Variants in CD96 observed in about 807,000 individuals in gnomAD.
CD96 encodes the protein T-cell surface protein tactile.
In CD96, 70 loss-of-function variants were observed where a neutral mutation model predicts 71.3. That is an observed-to-expected ratio of 0.98 (90% CI 0.81 to 1.20). The LOEUF is 1.20. CD96 is among the 50% of genes most tolerant of loss of function. The pLI is 0.00. For synonymous variants in CD96, 248 were observed against 233.0 expected, an observed-to-expected ratio of 1.06 and a Z score of -0.59; for missense variants, 742 against 677.5, an observed-to-expected ratio of 1.10 and a Z score of -1.06.
chr3:111,602,891 T>G (rs1937528225), intron 7 of CD96, among the ~76,000 whole-genome samples: 1 of 152,184 alleles, frequency 6.6e-6, no homozygotes, highest in South Asian at 2.1e-4. Context: ...GGAGAAGTTT[T>G]GCTCTCTTTG....
intron 12 of CD96, among the ~76,000 whole-genome samples, chr3:111,642,161 A>G (rs1010288691): frequency 1.3e-5 from 2 of 152,228 alleles, no homozygotes; most frequent in African/African-American, 4.8e-5. Context: ...GCACAATACA[A>G]TTGAAACAAC....
chr3:111,606,757 C>T lies in CD96; in HGVS notation c.1145C>T (p.Thr382Ile). Residue 382 changes from threonine (T) to isoleucine (I), a missense_variant, in exon 8 of 14, where the codon ACC (threonine) becomes ATC (isoleucine). Coordinates refer to ENST00000352690, the MANE Select transcript of CD96 (RefSeq NM_005816.5). ...AGTGTTACAGAATCTACCCTTGACA[C>T]CCAACCTTCTCCAGCCAGCAGTGTA... ...PLSVTESTLD[T>I]QPSPASSVSP... 6.2e-7 allele frequency: 1 copy of T among 1,606,130 alleles called. No individual in the cohort carries two copies. Among genetic ancestry groups the T allele is most frequent in the Non-Finnish European group, 8.5e-7 (1 of 1,172,720 alleles).
At chr3:111,626,578 G>A (rs949106057) in intron 10 of CD96, among the ~76,000 whole-genome samples, 1 of 152,068 alleles carries the variant, frequency 6.6e-6, no homozygotes, top group Non-Finnish European at 1.5e-5. Flanking sequence ...TCTATTCCTA[G>A]ATATAAAAAT....
In CD96 at chr3:111,570,814, C is replaced by G. The variant is rs1354863976; in HGVS notation, c.543+3167C>G. 7.4e-6 allele frequency: 12 copies of G among 1,613,510 alleles called. No individual in the cohort carries two copies. In the African/African-American group the frequency reaches 1.5e-4, roughly 20 times the overall value. ...TCCAAAGCAGGTGGCCCTGGAGGCA[C>G]CGGGATGGGGGACCCCAGGCTTGTG... On this transcript the variant is annotated intron_variant, in intron 3 of 13. Coordinates refer to ENST00000352690, the MANE Select transcript of CD96 (RefSeq NM_005816.5).
At chr3:111,555,865 C>T (rs1356292318) in intron 2 of CD96, among the ~76,000 whole-genome samples, 1 of 152,298 alleles carries the variant, frequency 6.6e-6, no homozygotes. Context: ...TCCCCTTACT[C>T]TTTCACTTCT....
At chr3:111,602,046 A>G (rs1222553498) in intron 7 of CD96, among the ~76,000 whole-genome samples, 1 of 152,184 alleles carries the variant, frequency 6.6e-6, no homozygotes, top group African/African-American at 2.4e-5. Context: ...TATTTACACT[A>G]AAATAGCCTT....
At chr3:111,639,513 C>G (rs1939495350) in intron 12 of CD96, among the ~76,000 whole-genome samples, 1 of 152,168 alleles carries the variant, frequency 6.6e-6, no homozygotes, top group East Asian at 1.9e-4. Context: ...ACATGCCTAG[C>G]CCTGCCCCGA....
At chr3:111,598,653 A>G (rs1290637166) in intron 6 of CD96, among the ~76,000 whole-genome samples, 2 of 152,180 alleles carry the variant, frequency 1.3e-5, no homozygotes, top group Non-Finnish European at 1.5e-5. Flanking sequence ...TTTTTATGTG[A>G]GAATCTGAGG....
chr3:111,650,323 G>A lies in CD96; in HGVS notation c.*517G>A, dbSNP rs950330596. The A allele has an allele frequency of 5.9e-6, 1 of 170,510 alleles. No homozygotes were observed. Among genetic ancestry groups the A allele is most frequent in the Non-Finnish European group, 1.3e-5 (1 of 77,460 alleles). The allele number at this position is 170,510 out of a possible 1,614,324, so 10.6% of individuals were successfully genotyped here. Reference sequence around the variant, plus strand: ...TTAGTCTTCATATTGAAATTCTGTTGCTTATTTTCATGGAAGGAAACAGAA... The same window carrying A: ...TTAGTCTTCATATTGAAATTCTGTTACTTATTTTCATGGAAGGAAACAGAA... On this transcript the variant is annotated 3_prime_UTR_variant, in exon 14 of 14. Coordinates refer to ENST00000352690, the MANE Select transcript of CD96 (RefSeq NM_005816.5).
At chr3:111,617,601 C>T (rs1037016299) in intron 8 of CD96, among the ~76,000 whole-genome samples, 3 of 152,180 alleles carry the variant, frequency 2.0e-5, no homozygotes, top group African/African-American at 7.2e-5. Context: ...GAGCTGGACA[C>T]TCATTGGGAC....
At chr3:111,632,412 C>T (rs1470302314) in intron 10 of CD96, among the ~76,000 whole-genome samples, 1 of 152,056 alleles carries the variant, frequency 6.6e-6, no homozygotes, top group Non-Finnish European at 1.5e-5. Flanking sequence ...ATCGAAACCG[C>T]AATGAGATAC....
intron 4 of CD96, among the ~76,000 whole-genome samples, chr3:111,583,190 G>T (rs1480628903): frequency 6.6e-6 from 1 of 152,192 alleles, no homozygotes; most frequent in East Asian, 1.9e-4. Context: ...ATCCAAAAGG[G>T]CAGTCAAATC....
intron 8 of CD96, among the ~76,000 whole-genome samples, chr3:111,616,574 G>A (rs1938247755): frequency 1.3e-5 from 2 of 152,178 alleles, no homozygotes; most frequent in Admixed American, 1.3e-4. Flanking sequence ...CTGCAGCAAG[G>A]CTAACTACAC....
At chr3:111,581,051 A>G (rs969806800) in intron 4 of CD96, among the ~76,000 whole-genome samples, 2 of 152,092 alleles carry the variant, frequency 1.3e-5, no homozygotes, top group African/African-American at 4.8e-5. Context: ...CTGCATTAAA[A>G]CACCTCTATC....
chr3:111,593,075 A>C (rs565403450), intron 5 of CD96: 1 of 153,270 alleles, frequency 6.5e-6, no homozygotes, highest in South Asian at 2.1e-4. Flanking sequence ...CCACCAGTAC[A>C]TGTGCTAAGA....
intron 7 of CD96, among the ~76,000 whole-genome samples, chr3:111,606,103 A>G (rs1360089357): frequency 6.6e-6 from 1 of 152,012 alleles, no homozygotes; most frequent in Non-Finnish European, 1.5e-5. Context: ...CTCTGTTTCA[A>G]CTCCCCCCAA....
intron 4 of CD96, 131 bp downstream of exon 4, chr3:111,579,365 G>A: frequency 1.4e-6 from 1 of 734,258 alleles, no homozygotes; most frequent in South Asian, 1.4e-5. Context: ...CTGTTTCCCT[G>A]GATACTTGTC....
At chr3:111,574,801 G>A (rs1437481954) in intron 3 of CD96, among the ~76,000 whole-genome samples, 1 of 120,260 alleles carries the variant, frequency 8.3e-6, no homozygotes, top group South Asian at 2.6e-4. Context: ...TTTTTTTTTT[G>A]AGGCAGTGTC....
intron 8 of CD96, among the ~76,000 whole-genome samples, chr3:111,623,236 C>G (rs1268459266): frequency 6.6e-6 from 1 of 151,842 alleles, no homozygotes; most frequent in South Asian, 2.1e-4. Flanking sequence ...GAATATGAAT[C>G]AGTCTTTCAT....
Sources: allele counts gnomAD v4.1 joint callset (sites outside exome capture counted in the v4.1 genomes callset), GRCh38; gene constraint gnomAD v4.1.1; transcripts MANE v1.5; gene names NCBI Gene and HGNC (gene_info 2026-07-23, HGNC 2026-07-21).